Variants in PIK3C2A observed in about 807,000 individuals in gnomAD.
PIK3C2A encodes the protein phosphatidylinositol-4-phosphate 3-kinase catalytic subunit type 2 alpha.
In PIK3C2A, 97 loss-of-function variants were observed where a neutral mutation model predicts 204.5. The ratio of observed to expected loss-of-function variants is 0.47; its 90% CI spans 0.40 to 0.56. The LOEUF is 0.56. Ranked by LOEUF, PIK3C2A falls within the 20% of genes least tolerant of loss-of-function variation. PIK3C2A has a pLI of 0.00. For synonymous variants in PIK3C2A, 653 were observed against 664.4 expected, an observed-to-expected ratio of 0.98 and a Z score of 0.26; for missense variants, 1,735 against 1,969.2, an observed-to-expected ratio of 0.88 and a Z score of 2.25.
intron 2 of PIK3C2A, among the ~76,000 whole-genome samples, chr11:17,159,532 T>A (rs954273527): frequency 6.6e-6 from 1 of 152,200 alleles, no homozygotes; most frequent in Non-Finnish European, 1.5e-5. Context: ...TTAGTGATCA[T>A]CCAATTTCTG....
chr11:17,192,451 G>C (rs1851977581), intron 1 of PIK3C2A, among the ~76,000 whole-genome samples: 1 of 152,094 alleles, frequency 6.6e-6, no homozygotes, highest in South Asian at 2.1e-4. Context: ...CAAAAGAACT[G>C]TATTTTTTGT....
rs1383488922 is a variant in PIK3C2A at position 17,145,877 on chromosome 11, T to C, written c.1626A>G (p.Lys542=). 3 of 1,613,542 alleles carry C rather than the reference T, an allele frequency of 1.9e-6. No individual in the cohort carries two copies. Among genetic ancestry groups the C allele is most frequent in the Admixed American group, 1.7e-5 (1 of 60,014 alleles). Residue 542 remains lysine (K), a synonymous_variant, in exon 7 of 33, where the codon AAA becomes AAG. Transcript: ENST00000691414. ...KHLYQIEKPC[K]EAMTRHPVEE... Reference sequence around the variant, plus strand: ...AGATGATATACCTCGTCATGGCTTCTTTGCAAGGTTTTTCTATTTGATACA... The same window carrying C: ...AGATGATATACCTCGTCATGGCTTCCTTGCAAGGTTTTTCTATTTGATACA...
chr11:17,196,571 T>C (rs1008425299), intron 1 of PIK3C2A, among the ~76,000 whole-genome samples: 3 of 151,872 alleles, frequency 2.0e-5, no homozygotes, highest in Non-Finnish European at 4.4e-5. Context: ...AGGATACTAT[T>C]ATTATTATTT....
chr11:17,148,446 T>C, intron 5 of PIK3C2A: 1 of 488,924 alleles, frequency 2.0e-6, no homozygotes, highest in East Asian at 3.5e-5. Flanking sequence ...TACAAGCTCC[T>C]TAAGGGAATA....
At chr11:17,119,740 G>A (rs1226801698) in intron 16 of PIK3C2A, 46 bp downstream of exon 16, 2 of 1,239,834 alleles carry the variant, frequency 1.6e-6, no homozygotes, top group African/African-American at 1.5e-5. Flanking sequence ...TACCTTACTG[G>A]AAAAACTGAC....
intron 20 of PIK3C2A, among the ~76,000 whole-genome samples, chr11:17,113,739 A>G (rs1211692902): frequency 1.4e-5 from 2 of 146,240 alleles, no homozygotes; most frequent in South Asian, 4.3e-4. Context: ...CCGAGATTGC[A>G]CCATTGCATT....
chr11:17,125,209 GA>G (rs1352283351), intron 13 of PIK3C2A, among the ~76,000 whole-genome samples: 1 of 152,144 alleles, frequency 6.6e-6, no homozygotes, highest in Non-Finnish European at 1.5e-5. Context: ...CGGCACTGAT[GA>G]TCACTGCTTA....
intron 28 of PIK3C2A, 48 bp downstream of exon 28, chr11:17,094,213 C>A: frequency 6.9e-7 from 1 of 1,446,000 alleles, no homozygotes; most frequent in Non-Finnish European, 9.5e-7. Flanking sequence ...CATTTGATAA[C>A]AAGTTGTTTC....
At position 17,148,715 on chromosome 11, in the gene PIK3C2A, A is replaced by G; in HGVS notation, c.1400T>C (p.Val467Ala). Residue 467 changes from valine (V) to alanine (A), a missense_variant, in exon 5 of 33, where the codon GTT becomes GCT. Transcript: ENST00000691414. ...ACAAACTTTTAGAACATAGCTGCCA[A>G]CATCTACTTGATTCAAGTCATCATG... ...WVHDDLNQVD[V>A]GSYVLKVCGQ... 1.2e-6 allele frequency: 2 copies of G among 1,613,322 alleles called. No individual in the cohort carries two copies. Among genetic ancestry groups the G allele is most frequent in the Non-Finnish European group, 1.7e-6 (2 of 1,179,532 alleles).
intron 3 of PIK3C2A, among the ~76,000 whole-genome samples, chr11:17,152,910 T>C (rs1850466906): frequency 6.6e-6 from 1 of 152,104 alleles, no homozygotes; most frequent in South Asian, 2.1e-4. Flanking sequence ...GTCAGCACTG[T>C]TTAGAATAAA....
chr11:17,098,594 C>A (rs531059751), intron 26 of PIK3C2A, among the ~76,000 whole-genome samples: 2 of 152,276 alleles, frequency 1.3e-5, no homozygotes, highest in South Asian at 4.1e-4. Context: ...CCCAGGGGAG[C>A]CAATGAATCT....
rs774217311 is a variant in PIK3C2A, at chr11:17,105,247, A to G, written c.3603T>C (p.Gly1201=). The G allele has an allele frequency of 1.9e-6, 3 of 1,609,826 alleles. No individual in the cohort carries two copies. The highest frequency in any genetic ancestry group is 1.6e-4 in the Middle Eastern group (1 of 6,066). The part of the protein sequence containing the change: ...DTLRKIQVEY[G]VTGSFKDKPL... ...GTTTATCTTTAAAGGATCCTGTCACACCATATTCCACTTGGATTTTCCTGA... is the reference window on the plus strand; with the variant it reads ...GTTTATCTTTAAAGGATCCTGTCACGCCATATTCCACTTGGATTTTCCTGA... The change falls in exon 23 of 33, where the codon GGT becomes GGC. Residue 1201 remains glycine (G), a synonymous_variant. Coordinates refer to ENST00000691414, the MANE Select transcript of PIK3C2A (RefSeq NM_002645.4).
intron 32 of PIK3C2A, among the ~76,000 whole-genome samples, chr11:17,090,486 TATA>T (rs1046481939): frequency 3.3e-5 from 5 of 151,744 alleles, no homozygotes; most frequent in African/African-American, 9.7e-5. Context: ...AATAAAATAA[TATA>T]ATAATAATAA....
chr11:17,091,859 G>C, intron 30 of PIK3C2A, 137 bp downstream of exon 30: 1 of 709,496 alleles, frequency 1.4e-6, no homozygotes, highest in Non-Finnish European at 2.5e-6. Context: ...TTCAGAAATA[G>C]ACTGGCTTAG....
At chr11:17,151,966 T>C (rs1011493985) in intron 3 of PIK3C2A, among the ~76,000 whole-genome samples, 11 of 152,174 alleles carry the variant, frequency 7.2e-5, no homozygotes, top group Admixed American at 3.3e-4. Flanking sequence ...TAGAGAATTT[T>C]TTCTACATCT....
intron 2 of PIK3C2A, among the ~76,000 whole-genome samples, 183 bp downstream of exon 2, chr11:17,168,494 G>A (rs1211238730): frequency 6.6e-6 from 1 of 151,994 alleles, no homozygotes; most frequent in Non-Finnish European, 1.5e-5. Context: ...GGCAGGAGAA[G>A]GGTGTGAACC....
At chr11:17,160,398 A>G (rs1217929186) in intron 2 of PIK3C2A, among the ~76,000 whole-genome samples, 1 of 152,238 alleles carries the variant, frequency 6.6e-6, no homozygotes, top group Non-Finnish European at 1.5e-5. Context: ...AAAAGGATGT[A>G]GTCAATTTTT....
At chr11:17,155,236 A>AT (rs999447896) in intron 3 of PIK3C2A, among the ~76,000 whole-genome samples, 5 of 152,166 alleles carry the variant, frequency 3.3e-5, no homozygotes, top group Admixed American at 2.0e-4. Context: ...AAAAGTAGGT[A>AT]TTTTTTAAGT....
chr11:17,195,759 G>A (rs1354441572), intron 1 of PIK3C2A, among the ~76,000 whole-genome samples: 1 of 139,960 alleles, frequency 7.1e-6, no homozygotes, highest in Non-Finnish European at 1.5e-5. Context: ...AAAAAAAGGA[G>A]CCCCGCGCGC....
Sources: gnomAD v4.1 joint callset for allele counts (sites outside exome capture counted in the v4.1 genomes callset) on GRCh38, gnomAD v4.1.1 for gene constraint, MANE v1.5 for transcripts, NCBI Gene and HGNC (gene_info 2026-07-23, HGNC 2026-07-21) for gene names.